The following HS6ST2 variants were observed in gnomAD, a reference collection of about 807,000 sequenced individuals.
HS6ST2 encodes the protein heparan sulfate 6-O-sulfotransferase 2, also known as heparan-sulfate 6-O-sulfotransferase 2.
Under a neutral mutation model 33.0 loss-of-function variants are expected in HS6ST2, and 17 were observed. The ratio of observed to expected loss-of-function variants is 0.52; its 90% CI spans 0.35 to 0.77. The LOEUF is 0.77. Ranked by LOEUF, HS6ST2 falls within the 30% of genes least tolerant of loss-of-function variation. The pLI is 0.01. For synonymous variants in HS6ST2, 248 were observed against 237.1 expected (o/e 1.05, Z -0.42); for missense variants, 519 against 551.7 (o/e 0.94, Z 0.59).
At chrX:132,809,323 A>G (rs922806768) in intron 2 of HS6ST2, among the ~76,000 whole-genome samples, 2 of 112,259 alleles carry the variant, frequency 1.8e-5, no homozygotes, top group Non-Finnish European at 3.8e-5. Context: ...CCTGTAGGTG[A>G]TTCTGATGCA....
chrX:132,739,133 A>G (rs1421996394), intron 2 of HS6ST2, among the ~76,000 whole-genome samples: 2 of 111,809 alleles, frequency 1.8e-5, no homozygotes, highest in Non-Finnish European at 1.9e-5. Context: ...TTCACAGACT[A>G]TAAATCACTA....
intron 3 of HS6ST2, among the ~76,000 whole-genome samples, chrX:132,687,324 T>TA (rs1420191576): frequency 9.0e-6 from 1 of 110,887 alleles, no homozygotes; most frequent in Non-Finnish European, 1.9e-5. Context: ...GGCAGGATAA[T>TA]AAAAAAGGAG....
Position 132,708,496 on chromosome X carries a change from T to G in HS6ST2, c.948-2A>C, listed in dbSNP as rs747734273. On this transcript the variant is annotated splice_acceptor_variant, in intron 2 of 4. Transcript: ENST00000370833. LOFTEE classifies it high-confidence loss of function. ...TCTAGAATCTGAAAAATCCTCCACC[T>G]GTTAAAGGAACAGTAAAACCAGTCG... 1 of 1,180,240 alleles carries G rather than the reference T, an allele frequency of 8.5e-7. No homozygotes were observed. The highest frequency in any genetic ancestry group is 1.8e-5 in the African/African-American group (1 of 56,739).
intron 2 of HS6ST2, among the ~76,000 whole-genome samples, chrX:132,712,886 G>C (rs1313647446): frequency 9.0e-6 from 1 of 110,635 alleles, no homozygotes; most frequent in Non-Finnish European, 1.9e-5. Context: ...TTAGCCTGGC[G>C]TGGTGGCAGG....
chrX:132,876,274 C>G (rs1156964903), intron 2 of HS6ST2, among the ~76,000 whole-genome samples: 5 of 111,452 alleles, frequency 4.5e-5, no homozygotes, highest in African/African-American at 1.6e-4. Context: ...CTTTGAGATA[C>G]CAGTCCTCAA....
intron 2 of HS6ST2, among the ~76,000 whole-genome samples, chrX:132,934,883 A>G (rs745334490): frequency 9.0e-6 from 1 of 111,676 alleles, no homozygotes; most frequent in East Asian, 2.8e-4. Flanking sequence ...AACACACATT[A>G]TAGATAGAAA....
chrX:132,888,871 A>ATG (rs750026288), intron 2 of HS6ST2, among the ~76,000 whole-genome samples: 34 of 109,316 alleles, frequency 3.1e-4, no homozygotes, highest in East Asian at 1.8e-3. Flanking sequence ...GCTTGTGTGC[A>ATG]TGTGTGTGTG....
chrX:132,861,857 T>C (rs893328568), intron 2 of HS6ST2, among the ~76,000 whole-genome samples: 2 of 112,196 alleles, frequency 1.8e-5, no homozygotes, highest in Non-Finnish European at 3.8e-5. Flanking sequence ...TCTATGTATA[T>C]TTTTATTGTT....
intron 2 of HS6ST2, among the ~76,000 whole-genome samples, chrX:132,710,590 G>C (rs2064222490): frequency 9.0e-6 from 1 of 110,904 alleles, no homozygotes; most frequent in African/African-American, 3.3e-5. Context: ...CTAGGAAAGA[G>C]TTTCTCCCTG....
intron 4 of HS6ST2, among the ~76,000 whole-genome samples, chrX:132,653,873 T>C (rs747040453): frequency 9.0e-6 from 1 of 111,543 alleles, no homozygotes; most frequent in Non-Finnish European, 1.9e-5. Flanking sequence ...AGCAGTCTTA[T>C]ATGGCTGAAG....
At chrX:132,807,690 A>C (rs967189108) in intron 2 of HS6ST2, among the ~76,000 whole-genome samples, 3 of 112,351 alleles carry the variant, frequency 2.7e-5, no homozygotes, top group African/African-American at 9.7e-5. Context: ...CACTGTGAGA[A>C]GCGAAAACTC....
At chrX:132,898,407 A>ATATATATATATATATATATATATATAT in intron 2 of HS6ST2, among the ~76,000 whole-genome samples, 1 of 102,764 alleles carries the variant, frequency 9.7e-6, no homozygotes, top group African/African-American at 3.6e-5. Flanking sequence ...ATATATATAT[A>ATATATATATATATATATATATATATAT]AGCTTCTCTG....
intron 2 of HS6ST2, among the ~76,000 whole-genome samples, chrX:132,851,588 T>C (rs1340281235): frequency 8.9e-6 from 1 of 112,280 alleles, no homozygotes; most frequent in Non-Finnish European, 1.9e-5. Flanking sequence ...GGAAACAATA[T>C]CCATAACCAG....
At chrX:132,766,959 C>T (rs1334096924) in intron 2 of HS6ST2, among the ~76,000 whole-genome samples, 1 of 111,636 alleles carries the variant, frequency 9.0e-6, no homozygotes, top group Non-Finnish European at 1.9e-5. Flanking sequence ...CTCAACTTGC[C>T]CAGTGTCACA....
chrX:132,808,142 A>G (rs1428393203), intron 2 of HS6ST2, among the ~76,000 whole-genome samples: 1 of 111,544 alleles, frequency 9.0e-6, no homozygotes, highest in Non-Finnish European at 1.9e-5. Flanking sequence ...GAAAATCACT[A>G]TCTGAATAAG....
At chrX:132,949,274 A>G (rs1040412814) in intron 2 of HS6ST2, among the ~76,000 whole-genome samples, 4 of 108,675 alleles carry the variant, frequency 3.7e-5, no homozygotes, top group Non-Finnish European at 7.6e-5. Flanking sequence ...ATGGAGATCC[A>G]AAGTCCAGAC....
At chrX:132,871,027 A>G (rs1051864287) in intron 2 of HS6ST2, among the ~76,000 whole-genome samples, 7 of 111,827 alleles carry the variant, frequency 6.3e-5, no homozygotes, top group African/African-American at 2.3e-4. Context: ...CAATCTACCC[A>G]TCTGACAAAG....
At chrX:132,786,868 C>T (rs908443711) in intron 2 of HS6ST2, among the ~76,000 whole-genome samples, 3 of 108,355 alleles carry the variant, frequency 2.8e-5, no homozygotes, top group East Asian at 2.9e-4. Context: ...GCAATCCACT[C>T]GCCTTAGCCT....
intron 2 of HS6ST2, chrX:132,808,853 C>T (rs1234302071): frequency 8.9e-6 from 1 of 112,191 alleles, no homozygotes; most frequent in Non-Finnish European, 1.9e-5. Context: ...ATGACCATCG[C>T]ACCACTACCT....
Sources: gnomAD v4.1 joint callset for allele counts (sites outside exome capture counted in the v4.1 genomes callset) on GRCh38, gnomAD v4.1.1 for gene constraint, MANE v1.5 for transcripts, NCBI Gene and HGNC (gene_info 2026-07-23, HGNC 2026-07-21) for gene names.